The following SORL1 variants were observed in gnomAD, a reference collection of about 807,000 sequenced individuals.
The protein encoded by SORL1 is sortilin related receptor 1.
SORL1 carries 127 observed loss-of-function variants against 273.7 expected under a neutral mutation model. The ratio of observed to expected loss-of-function variants is 0.46; its 90% confidence interval spans 0.40 to 0.54. The LOEUF is 0.54. Ranked by LOEUF, SORL1 falls within the 20% of genes least tolerant of loss-of-function variation. SORL1 has a pLI of 0.00. For missense variants in SORL1, 2,494 were observed against 2,846.1 expected (o/e 0.88, Z 2.81); for synonymous variants, 1,031 against 1,067.4 (o/e 0.97, Z 0.66).
At chr11:121,593,123 T>C (rs1398068177) in intron 31 of SORL1, among the ~76,000 whole-genome samples, 2 of 152,232 alleles carry the variant, frequency 1.3e-5, no homozygotes, top group African/African-American at 4.8e-5. Flanking sequence ...CTCCCCAGTA[T>C]TGGAGCCCTC....
At chr11:121,594,017 C>T (rs1015030309) in intron 31 of SORL1, among the ~76,000 whole-genome samples, 12 of 152,094 alleles carry the variant, frequency 7.9e-5, no homozygotes, top group Non-Finnish European at 2.9e-5. Flanking sequence ...CTGGGTTTGG[C>T]GTGCTAGATT....
At chr11:121,513,135 A>G in intron 7 of SORL1, 31 bp downstream of exon 7, 4 of 1,474,172 alleles carry the variant, frequency 2.7e-6, no homozygotes, top group Non-Finnish European at 2.9e-6. Flanking sequence ...GATGGGAAGA[A>G]GTATCATTGT....
At chr11:121,535,181 C>T (rs1862251064) in intron 12 of SORL1, among the ~76,000 whole-genome samples, 1 of 152,062 alleles carries the variant, frequency 6.6e-6, no homozygotes, top group Non-Finnish European at 1.5e-5. Context: ...CACTGTGCTC[C>T]ATGTCAATGA....
intron 31 of SORL1, 70 bp downstream of exon 31, chr11:121,591,226 T>C: frequency 1.3e-6 from 2 of 1,551,522 alleles, no homozygotes; most frequent in Non-Finnish European, 1.8e-6. Flanking sequence ...GGGTGTGCTC[T>C]GGGCACAATC....
intron 32 of SORL1, 34 bp from the exon 33 acceptor site, chr11:121,604,159 C>T (rs1863432040): frequency 6.2e-7 from 1 of 1,611,700 alleles, no homozygotes; most frequent in Non-Finnish European, 8.5e-7. Context: ...TACGGCCCCT[C>T]CCCGTGGACT....
chr11:121,551,260 A>C (rs11607927), intron 16 of SORL1, among the ~76,000 whole-genome samples: 7,231 of 152,336 alleles, frequency 0.047, 207 homozygotes, highest in Middle Eastern at 0.11. Context: ...GACAAAGTTG[A>C]AATTCAGACT....
intron 42 of SORL1, among the ~76,000 whole-genome samples, chr11:121,619,453 T>C (rs1565356989): frequency 6.6e-6 from 1 of 152,176 alleles, no homozygotes; most frequent in Non-Finnish European, 1.5e-5. Flanking sequence ...CTCAGTTGTA[T>C]AAAAAATATT....
At position 121,595,634 on chromosome 11, in the gene SORL1, G is replaced by A. The variant is rs1591344604; in HGVS notation, c.4381G>A (p.Ala1461Thr). Residue 1461 changes from alanine to threonine, a missense_variant, in exon 32 of 48, where the codon GCT becomes ACT. By Grantham distance (58) the Ala-to-Thr change is moderately conservative. Around this residue, in one of 3 missense-constraint regions of SORL1, gnomAD observed 1,609 missense variants for 1,816.4 expected, o/e 0.89. Transcript: ENST00000260197. This position sits in a 1 kb window ranked among gnomAD's most constrained non-coding sequence, Gnocchi z 5.1. ...EACPLLANVT[A>T]ASTPTQLGRC... ...ATCTTTTATTTTAGCAAACGTCACT[G>A]CTGCCTCCACTCCCACCCAACTTGG... The A allele has an allele frequency of 2.5e-6, 4 of 1,603,346 alleles. No homozygotes were observed. Among genetic ancestry groups the A allele is most frequent in the Non-Finnish European group, 2.6e-6 (3 of 1,174,782 alleles).
intron 46 of SORL1, 85 bp downstream of exon 46, chr11:121,625,362 C>A: frequency 6.5e-6 from 7 of 1,079,252 alleles, no homozygotes; most frequent in Non-Finnish European, 9.4e-6. Context: ...ATGTGTCTTT[C>A]TAAAACACAT....
At chr11:121,493,882 C>T (rs1469214402) in intron 5 of SORL1, among the ~76,000 whole-genome samples, 1 of 152,048 alleles carries the variant, frequency 6.6e-6, no homozygotes, top group Non-Finnish European at 1.5e-5. Context: ...TACAGCTGAC[C>T]ATCATCAGAC....
At chr11:121,467,404 C>T (rs1861100664) in intron 1 of SORL1, among the ~76,000 whole-genome samples, 1 of 152,160 alleles carries the variant, frequency 6.6e-6, no homozygotes, top group Admixed American at 6.5e-5. Context: ...ACTCTGATCA[C>T]TGAAAGCTTT....
chr11:121,602,688 T>G (rs761067116), intron 32 of SORL1, among the ~76,000 whole-genome samples: 8 of 152,206 alleles, frequency 5.3e-5, no homozygotes, highest in Non-Finnish European at 8.8e-5. Flanking sequence ...CGTATGAAGC[T>G]TCCTTGCTCA....
At chr11:121,623,985 C>T (rs749953940) in intron 45 of SORL1, among the ~76,000 whole-genome samples, 2 of 152,194 alleles carry the variant, frequency 1.3e-5, no homozygotes, top group Non-Finnish European at 2.9e-5. Context: ...AGGAGCAAAG[C>T]CACATCTTAC....
At chr11:121,611,030 C>T in intron 38 of SORL1, 46 bp from the exon 39 acceptor site, 1 of 1,368,718 alleles carries the variant, frequency 7.3e-7, no homozygotes, top group Middle Eastern at 1.8e-4. Flanking sequence ...GCCTTCCTCA[C>T]TTTTCATCAC....
intron 16 of SORL1, 125 bp from the exon 17 acceptor site, chr11:121,553,812 A>T: frequency 1.1e-6 from 1 of 877,052 alleles, no homozygotes; most frequent in Non-Finnish European, 1.8e-6. Context: ...TGTGCTCTTC[A>T]CTTGGTCCAC....
At chr11:121,470,622 G>A (rs1279090810) in intron 2 of SORL1, among the ~76,000 whole-genome samples, 2 of 152,222 alleles carry the variant, frequency 1.3e-5, no homozygotes, top group Non-Finnish European at 2.9e-5. Flanking sequence ...AGGCCTGTGG[G>A]AGGCCGGGCA....
In SORL1 at chr11:121,580,916, C is replaced by A. The variant is rs147238172; in HGVS notation, c.3581-2542C>A. The stretch of plus-strand genomic sequence containing the variant: ...TACTGCACCTGGTCCCCTTCTCATA[C>A]ACTTTTTTTTTTTTTTTTGAGACGG... On this transcript the variant is annotated intron_variant, in intron 25 of 47. Coordinates refer to ENST00000260197, the MANE Select transcript of SORL1 (RefSeq NM_003105.6). Among the ~76,000 whole-genome samples, 111 of 146,176 alleles carry A rather than the reference C, an allele frequency of 7.6e-4. 1 individual carries two copies. The highest frequency in any genetic ancestry group is 2.4e-4 in the Non-Finnish European group (16 of 66,504).
In SORL1 at chr11:121,557,278, A is replaced by C. The variant is rs1265394651; in HGVS notation, c.2572-36A>C. ...CAATGGGGGTCTTTAAGGAGCTCCG[A>C]TCCATCTCAGCCTCTTTTCCCCCTG... On this transcript the variant is annotated intron_variant, in intron 18 of 47. Coordinates refer to ENST00000260197, the MANE Select transcript of SORL1 (RefSeq NM_003105.6). 6 of 1,488,952 alleles carry C rather than the reference A, an allele frequency of 4.0e-6. No individual in the cohort carries two copies. In the East Asian group the frequency reaches 1.1e-4, roughly 28 times the overall value. 92.2% of individuals were successfully genotyped at this position (1,488,952 alleles called of 1,614,324 possible).
Position 121,628,392 on chromosome 11 carries a change from C to T in SORL1, c.6577+625C>T, listed in dbSNP as rs147043628. On this transcript the variant is annotated intron_variant, in intron 47 of 47. Coordinates refer to ENST00000260197, the MANE Select transcript of SORL1 (RefSeq NM_003105.6). ...GCAGGCATTAGATTCTCATAGGGAG[C>T]GCTCAGTCTGGATCCCTTGCACGCT... Among the ~76,000 whole-genome samples the T allele has an allele frequency of 2.7e-3, 410 of 152,268 alleles. 6 individuals carry two copies. The highest frequency in any genetic ancestry group is 8.3e-3 in the African/African-American group (344 of 41,542).
Sources: gnomAD v4.1 joint callset for allele counts (sites outside exome capture counted in the v4.1 genomes callset) on GRCh38, gnomAD v4.1.1 for gene constraint, gnomAD v4.1.1 regional missense constraint, Gnocchi (gnomAD v3.1) non-coding constraint, MANE v1.5 for transcripts, NCBI Gene and HGNC (gene_info 2026-07-23, HGNC 2026-07-21) for gene names.